The following ZBTB38 variants were observed in gnomAD, a reference collection of about 807,000 sequenced individuals.
ZBTB38 encodes the protein zinc finger and BTB domain-containing protein 38.
ZBTB38 carries 20 observed loss-of-function variants against 76.8 expected under a neutral mutation model. That is an observed-to-expected ratio of 0.26 (90% CI 0.18 to 0.38). The LOEUF is 0.38. ZBTB38 is among the 10% of genes least tolerant of loss of function. The probability of loss-of-function intolerance (pLI) is 1.00; values close to 1 mark genes in which losing one functional copy is unlikely to be tolerated. For missense variants in ZBTB38, 1,082 were observed against 1,482.3 expected (o/e 0.73, Z 4.43); for synonymous variants, 504 against 544.2 (o/e 0.93, Z 1.03).
chr3:141,377,393 C>A (rs1945539051), intron 2 of ZBTB38, among the ~76,000 whole-genome samples: 1 of 152,118 alleles, frequency 6.6e-6, no homozygotes, highest in Non-Finnish European at 1.5e-5. Context: ...TGACTGTGGC[C>A]CATCAAAAGG....
intron 4 of ZBTB38, among the ~76,000 whole-genome samples, chr3:141,399,600 AAAGAGGAAAAAAAGT>A (rs1169770334): frequency 7.9e-5 from 12 of 152,202 alleles, no homozygotes; most frequent in Admixed American, 3.3e-4. Flanking sequence ...AGGTTGAGGG[AAAGAGGAAAAAAAGT>A]AAAACCACGA....
At chr3:141,349,755 G>A (rs1943466399) in intron 1 of ZBTB38, among the ~76,000 whole-genome samples, 1 of 151,630 alleles carries the variant, frequency 6.6e-6, no homozygotes, top group Non-Finnish European at 1.5e-5. Flanking sequence ...AATACATCAC[G>A]AAAGACAGAT....
In ZBTB38 at chr3:141,448,227, C is replaced by T. The variant is rs2081240404; in HGVS notation, c.*2251C>T. 1 of 152,478 alleles carries T rather than the reference C, an allele frequency of 6.6e-6. No homozygotes were observed. The highest frequency in any genetic ancestry group is 2.4e-5 in the African/African-American group (1 of 41,404). The allele number at this position is 152,478 out of a possible 1,614,324, so 9.4% of individuals were successfully genotyped here. The stretch of plus-strand genomic sequence containing the variant: ...GATATTTTTTAAGTGGACTTGTATG[C>T]TGATAATTCTAGACCAAAGTAAATA... On this transcript the variant is annotated 3_prime_UTR_variant, in exon 6 of 6. Coordinates refer to ENST00000321464, the MANE Select transcript of ZBTB38 (RefSeq NM_001376113.1).
At chr3:141,332,495 C>T (rs1440989226) in intron 1 of ZBTB38, among the ~76,000 whole-genome samples, 1 of 152,246 alleles carries the variant, frequency 6.6e-6, no homozygotes, top group East Asian at 1.9e-4. Flanking sequence ...CACCTCCAAA[C>T]TTGGCACAGG....
chr3:141,364,848 A>G (rs75189834), upstream of ZBTB38, among the ~76,000 whole-genome samples: 1 of 152,308 alleles, frequency 6.6e-6, no homozygotes, highest in African/African-American at 2.4e-5. Context: ...GAGATATCAC[A>G]TTGTACCCAC....
intron 5 of ZBTB38, among the ~76,000 whole-genome samples, chr3:141,412,478 A>AT (rs10577522): frequency 1.6e-3 from 229 of 145,396 alleles, no homozygotes; most frequent in Middle Eastern, 3.4e-3. Context: ...TGTTCTTTTG[A>AT]TTTTTTTTTT....
chr3:141,353,142 C>T (rs1188280280), intron 1 of ZBTB38, among the ~76,000 whole-genome samples: 3 of 152,078 alleles, frequency 2.0e-5, no homozygotes, highest in African/African-American at 7.2e-5. Flanking sequence ...TCCCTCAGTT[C>T]ACCAGGGGTG....
rs2081041979 is a variant in ZBTB38 at position 141,445,877 on chromosome 3, C to G, written c.3489C>G (p.His1163Gln). The G allele has an allele frequency of 6.2e-7, 1 of 1,612,290 alleles. No homozygotes were observed. Among genetic ancestry groups the G allele is most frequent in the South Asian group, 1.1e-5 (1 of 91,086 alleles). The change falls in exon 6 of 6, where the codon CAC (histidine) becomes CAG (glutamine). Residue 1163 changes from histidine (H) to glutamine (Q), a missense_variant. Physicochemically the swap from His to Gln is conservative, Grantham distance 24. Coordinates refer to ENST00000321464, the MANE Select transcript of ZBTB38 (RefSeq NM_001376113.1). The surrounding 1 kb of genome is among the most constrained non-coding windows in gnomAD (Gnocchi z 6.5). ...SQQEKIGDVCHENSNPLENQH... is the reference protein window; with the variant it reads ...SQQEKIGDVCQENSNPLENQH... ...AGGAGAAAATAGGTGACGTGTGCCA[C>G]GAAAACTCAAATCCCTTGGAGAATC...
intron 4 of ZBTB38, among the ~76,000 whole-genome samples, chr3:141,397,288 GCTTCCTTACCTCTCCTAGT>G (rs1313828192): frequency 6.6e-6 from 1 of 152,152 alleles, no homozygotes; most frequent in South Asian, 2.1e-4. Context: ...TTCTTCTGCA[GCTTCCTTACCTCTCCTAGT>G]CTTCCTAGAA....
At chr3:141,370,117 C>G (rs996534400) in intron 2 of ZBTB38, among the ~76,000 whole-genome samples, 171 bp downstream of exon 2, 2 of 152,118 alleles carry the variant, frequency 1.3e-5, no homozygotes, top group African/African-American at 4.8e-5. Flanking sequence ...ATAATAGAAC[C>G]CCAAATCTAT....
chr3:141,352,547 C>T (rs1943547750), intron 1 of ZBTB38, among the ~76,000 whole-genome samples: 1 of 152,006 alleles, frequency 6.6e-6, no homozygotes, highest in Admixed American at 6.6e-5. Context: ...GGAAAGCCAG[C>T]TAGGGTTGGC....
At chr3:141,381,078 G>A (rs1946135381) in intron 2 of ZBTB38, among the ~76,000 whole-genome samples, 1 of 152,172 alleles carries the variant, frequency 6.6e-6, no homozygotes, top group East Asian at 1.9e-4. Context: ...AATCTAGAAG[G>A]CCCTGTTGTT....
rs972535748 is a variant in ZBTB38, at chr3:141,447,445, C to G, written c.*1469C>G. The G allele has an allele frequency of 6.6e-6, 1 of 152,510 alleles. No individual in the cohort carries two copies. Among genetic ancestry groups the G allele is most frequent in the Admixed American group, 6.5e-5 (1 of 15,268 alleles). The allele number at this position is 152,510 out of a possible 1,614,324, so 9.4% of individuals were successfully genotyped here. A position where few individuals can be genotyped will look rare whatever the true frequency, so the allele number is the denominator to read the frequency against. On this transcript the variant is annotated 3_prime_UTR_variant, in exon 6 of 6. Coordinates refer to ENST00000321464, the MANE Select transcript of ZBTB38 (RefSeq NM_001376113.1). ...CACACCATCAACACTACCCTCAAAT[C>G]TAATTGCCCTACAGCATATTCTATC... is the stretch of plus-strand genomic sequence containing the variant.
chr3:141,353,768 G>C (rs562759447), intron 1 of ZBTB38, among the ~76,000 whole-genome samples: 1 of 152,278 alleles, frequency 6.6e-6, no homozygotes, highest in South Asian at 2.1e-4. Flanking sequence ...ATTGAGTGCA[G>C]TGAGATTGCT....
Position 141,418,128 on chromosome 3 carries a change from C to T in ZBTB38, c.-1+14097C>T, listed in dbSNP as rs543678041. 4.1e-4 allele frequency among the ~76,000 whole-genome samples: 62 copies of T among 152,246 alleles called. 1 individual carries two copies. Among genetic ancestry groups the T allele is most frequent in the East Asian group, 1.2e-3 (6 of 5,186 alleles). ...TGGTGTTTTCTCAAGTTTCCAAAGG[C>T]GATTTCAGTATGTAGTTAGGGGGTG... On this transcript the variant is annotated intron_variant, in intron 5 of 5. Coordinates refer to ENST00000321464, the MANE Select transcript of ZBTB38 (RefSeq NM_001376113.1).
intron 5 of ZBTB38, among the ~76,000 whole-genome samples, chr3:141,436,302 G>A (rs2078767621): frequency 6.6e-6 from 1 of 152,096 alleles, no homozygotes; most frequent in Non-Finnish European, 1.5e-5. Flanking sequence ...TTTACTTACT[G>A]TTCTTATCAG....
intron 1 of ZBTB38, among the ~76,000 whole-genome samples, chr3:141,337,653 G>C (rs779079766): frequency 6.6e-6 from 1 of 152,196 alleles, no homozygotes; most frequent in African/African-American, 2.4e-5. Context: ...AAGGAAGCAG[G>C]TTTGATGATC....
intron 4 of ZBTB38, chr3:141,402,428 G>A (rs1015832815): frequency 5.3e-5 from 8 of 151,502 alleles, no homozygotes; most frequent in African/African-American, 1.5e-4. Flanking sequence ...GAAACGCGCC[G>A]GCGGCGAAGG....
intron 4 of ZBTB38, among the ~76,000 whole-genome samples, chr3:141,395,360 C>G (rs973560615): frequency 2.6e-5 from 4 of 151,960 alleles, no homozygotes; most frequent in Admixed American, 6.5e-5. Context: ...CCTAATTTCT[C>G]AAGTCGGATA....
Sources: allele counts gnomAD v4.1 joint callset (sites outside exome capture counted in the v4.1 genomes callset), GRCh38; gene constraint gnomAD v4.1.1; non-coding constraint Gnocchi (gnomAD v3.1); transcripts MANE v1.5; gene names NCBI Gene and HGNC (gene_info 2026-07-23, HGNC 2026-07-21).